Variants in PRKCB observed in about 807,000 individuals in gnomAD.
The protein encoded by PRKCB is protein kinase C beta, also known as protein kinase C beta type.
A neutral mutation model predicts 81.5 loss-of-function variants in PRKCB; 13 were observed. The ratio of observed to expected loss-of-function variants is 0.16; its 90% CI spans 0.10 to 0.25. PRKCB has a LOEUF of 0.25. Among genes scored for constraint, PRKCB ranks in the 10% least tolerant of loss-of-function variants. The pLI is 1.00. For missense variants in PRKCB, 509 were observed against 875.7 expected (o/e 0.58, Z 5.29); for synonymous variants, 335 against 321.4 (o/e 1.04, Z -0.45).
At chr16:24,061,206 G>A (rs1295596100) in intron 5 of PRKCB, among the ~76,000 whole-genome samples, 1 of 152,038 alleles carries the variant, frequency 6.6e-6, no homozygotes, top group Admixed American at 6.6e-5. Flanking sequence ...GATTACAGGT[G>A]TGCATCACCA....
At chr16:24,055,850 T>G (rs1419177160) in intron 5 of PRKCB, among the ~76,000 whole-genome samples, 5 of 152,184 alleles carry the variant, frequency 3.3e-5, no homozygotes, top group Non-Finnish European at 7.3e-5. Flanking sequence ...TCTCTCTCTC[T>G]CTCGAAATAT....
chr16:24,191,391 G>C (rs1967791025), intron 16 of PRKCB, 161 bp downstream of exon 16: 1 of 743,938 alleles, frequency 1.3e-6, no homozygotes, highest in Non-Finnish European at 2.1e-6. Flanking sequence ...TGGTTACTAA[G>C]ATGGACATTT....
chr16:24,005,825 G>A (rs1335423214), intron 3 of PRKCB, among the ~76,000 whole-genome samples: 5 of 152,146 alleles, frequency 3.3e-5, no homozygotes, highest in Non-Finnish European at 7.4e-5. Flanking sequence ...GTAAAGCAAC[G>A]TAACAGTCAA....
intron 3 of PRKCB, among the ~76,000 whole-genome samples, chr16:23,997,761 G>A (rs1964979839): frequency 6.6e-6 from 1 of 152,212 alleles, no homozygotes; most frequent in South Asian, 2.1e-4. Flanking sequence ...CTTTTCTGGG[G>A]AGGGGATTAT....
intron 3 of PRKCB, among the ~76,000 whole-genome samples, chr16:24,007,534 A>G (rs1965142073): frequency 6.6e-6 from 1 of 152,192 alleles, no homozygotes; most frequent in Admixed American, 6.5e-5. Context: ...CCGCTTGTAA[A>G]GGTCAGAATG....
At position 23,989,250 on chromosome 16, in the gene PRKCB, C is replaced by T. The variant is rs529330740; in HGVS notation, c.288+660C>T. Reference sequence around the variant, plus strand: ...AAGTGCTGGGATTACAGGTGTGAGTCACTGTGCCCGGCCTATTATTATTAT... The same window carrying T: ...AAGTGCTGGGATTACAGGTGTGAGTTACTGTGCCCGGCCTATTATTATTAT... On this transcript the variant is annotated intron_variant, in intron 3 of 16. Transcript: ENST00000643927. Among the ~76,000 whole-genome samples the T allele has an allele frequency of 2.6e-5, 4 of 152,296 alleles. No homozygotes were observed. In the East Asian group the frequency reaches 7.7e-4, roughly 29 times the overall value.
At chr16:23,853,058 C>T (rs1036044847) in intron 2 of PRKCB, among the ~76,000 whole-genome samples, 4 of 152,160 alleles carry the variant, frequency 2.6e-5, no homozygotes, top group East Asian at 1.9e-4. Context: ...TGTTGCCCAT[C>T]GGTTCCAGAC....
At chr16:23,931,762 G>A (rs931658147) in intron 2 of PRKCB, among the ~76,000 whole-genome samples, 1 of 152,104 alleles carries the variant, frequency 6.6e-6, no homozygotes, top group Admixed American at 6.5e-5. Flanking sequence ...AAATAATGAA[G>A]TTCCTATAAA....
chr16:24,136,899 A>T (rs1245812770), intron 9 of PRKCB, among the ~76,000 whole-genome samples: 2 of 151,990 alleles, frequency 1.3e-5, no homozygotes, highest in Non-Finnish European at 2.9e-5. Flanking sequence ...TATTTTTGAG[A>T]TGGAGTCTCA....
chr16:24,094,434 C>A, intron 7 of PRKCB, 137 bp downstream of exon 7: 5 of 1,201,978 alleles, frequency 4.2e-6, no homozygotes, highest in East Asian at 2.4e-5. Context: ...TTGGATCTGC[C>A]TTGCAGATAT....
chr16:24,126,356 G>A (rs2141930989), intron 9 of PRKCB, among the ~76,000 whole-genome samples: 1 of 152,242 alleles, frequency 6.6e-6, no homozygotes, highest in African/African-American at 2.4e-5. Flanking sequence ...TAAAGAAGAG[G>A]TTCTAATAAG....
chr16:24,139,154 AG>A (rs1966878078), intron 9 of PRKCB, among the ~76,000 whole-genome samples: 1 of 151,162 alleles, frequency 6.6e-6, no homozygotes, highest in Admixed American at 6.6e-5. Context: ...GCCTGGCCCC[AG>A]TATTTGTCTT....
At chr16:23,999,055 C>T (rs1272221734) in intron 3 of PRKCB, among the ~76,000 whole-genome samples, 2 of 152,232 alleles carry the variant, frequency 1.3e-5, no homozygotes, top group Non-Finnish European at 2.9e-5. Flanking sequence ...TGAATTGGTC[C>T]AGACACCTGA....
chr16:23,870,907 T>C (rs1303928988), intron 2 of PRKCB, among the ~76,000 whole-genome samples: 1 of 152,142 alleles, frequency 6.6e-6, no homozygotes, highest in African/African-American at 2.4e-5. Flanking sequence ...TGGGGCCTGA[T>C]TGGTCTAGGA....
intron 2 of PRKCB, among the ~76,000 whole-genome samples, chr16:23,855,320 T>A (rs1040231968): frequency 6.6e-6 from 1 of 152,062 alleles, no homozygotes; most frequent in Admixed American, 6.5e-5. Context: ...ACATGTGGGG[T>A]CTTAGGCATC....
intron 1 of PRKCB, 81 bp downstream of exon 1, chr16:23,836,429 GCC>G: frequency 9.8e-6 from 1 of 102,206 alleles, no homozygotes; most frequent in Non-Finnish European, 1.4e-5. Flanking sequence ...CGCCCTCTGC[GCC>G]CTCCGCGCCC....
At chr16:23,858,532 C>T (rs1037006640) in intron 2 of PRKCB, among the ~76,000 whole-genome samples, 1 of 100,666 alleles carries the variant, frequency 9.9e-6, no homozygotes, top group Non-Finnish European at 1.9e-5. Context: ...AGGAATACTT[C>T]CATCAAACTG....
chr16:24,040,865 A>G (rs1426149267), intron 5 of PRKCB, among the ~76,000 whole-genome samples: 2 of 152,194 alleles, frequency 1.3e-5, no homozygotes, highest in Non-Finnish European at 2.9e-5. Flanking sequence ...TGTTGGAGTC[A>G]TGACCACCCT....
At chr16:24,067,042 G>A (rs866546387) in intron 5 of PRKCB, among the ~76,000 whole-genome samples, 1 of 151,570 alleles carries the variant, frequency 6.6e-6, no homozygotes, top group South Asian at 2.1e-4. Flanking sequence ...GTAGAGATGA[G>A]GTCTCGCTGT....
Sources: allele counts gnomAD v4.1 joint callset (sites outside exome capture counted in the v4.1 genomes callset), GRCh38; gene constraint gnomAD v4.1.1; transcripts MANE v1.5; gene names NCBI Gene and HGNC (gene_info 2026-07-23, HGNC 2026-07-21).